ANGPT1: variants seen among roughly 807,000 people sequenced by gnomAD.
ANGPT1 encodes angiopoietin-1.
ANGPT1 carries 17 observed loss-of-function variants against 62.2 expected under a neutral mutation model. That is an observed-to-expected ratio of 0.27 (90% CI 0.19 to 0.41). The LOEUF (loss-of-function observed/expected upper bound fraction) is 0.41. ANGPT1 is among the 10% of genes least tolerant of loss of function. The probability of loss-of-function intolerance (pLI) is 1.00; values close to 1 mark genes in which losing one functional copy is unlikely to be tolerated. For missense variants in ANGPT1, 478 were observed against 594.9 expected, an observed-to-expected ratio of 0.80 and a Z score of 2.04; for synonymous variants, 199 against 198.9, an observed-to-expected ratio of 1.00 and a Z score of 0.00.
chr8:107,475,813 CA>C (rs1277469475), intron 1 of ANGPT1, among the ~76,000 whole-genome samples: 3 of 152,246 alleles, frequency 2.0e-5, no homozygotes, highest in African/African-American at 7.2e-5. Context: ...GGCATTTATG[CA>C]GGCAACAGAC....
chr8:107,284,870 C>T, intron 6 of ANGPT1, 22 bp from the exon 7 acceptor site: 1 of 1,510,276 alleles, frequency 6.6e-7, no homozygotes, highest in Non-Finnish European at 8.9e-7. Flanking sequence ...TATAGAGATG[C>T]AGTTGTTACT....
chr8:107,317,106 C>T (rs573473310), intron 4 of ANGPT1, among the ~76,000 whole-genome samples: 58 of 152,310 alleles, frequency 3.8e-4, no homozygotes, highest in Non-Finnish European at 7.3e-4. Context: ...TTTAATATTT[C>T]TCTGTGAGCT....
intron 1 of ANGPT1, among the ~76,000 whole-genome samples, chr8:107,349,868 G>T (rs2130169160): frequency 6.6e-6 from 1 of 152,210 alleles, no homozygotes; most frequent in African/African-American, 2.4e-5. Context: ...AAACACACCA[G>T]AAATCTTTAA....
At chr8:107,329,357 T>C (rs1217588923) in intron 3 of ANGPT1, among the ~76,000 whole-genome samples, 1 of 152,080 alleles carries the variant, frequency 6.6e-6, no homozygotes, top group East Asian at 1.9e-4. Flanking sequence ...TATACATGTA[T>C]ATACAACAAG....
At chr8:107,331,043 T>A (rs187816117) in intron 3 of ANGPT1, among the ~76,000 whole-genome samples, 43 of 152,300 alleles carry the variant, frequency 2.8e-4, no homozygotes, top group African/African-American at 9.9e-4. Context: ...ACTAATATAA[T>A]TCAGCCTAGT....
intron 1 of ANGPT1, among the ~76,000 whole-genome samples, chr8:107,401,021 C>T (rs911633981): frequency 6.6e-6 from 1 of 152,116 alleles, no homozygotes; most frequent in Non-Finnish European, 1.5e-5. Flanking sequence ...CACTTTCTAA[C>T]CTTTAATCCT....
intron 6 of ANGPT1, among the ~76,000 whole-genome samples, chr8:107,292,504 G>A (rs1250561145): frequency 6.6e-6 from 1 of 151,896 alleles, no homozygotes; most frequent in Non-Finnish European, 1.5e-5. Flanking sequence ...CCCTTACCCT[G>A]TTTTCTCAGA....
At chr8:107,319,460 A>G (rs1815100804) in intron 4 of ANGPT1, among the ~76,000 whole-genome samples, 1 of 152,078 alleles carries the variant, frequency 6.6e-6, no homozygotes, top group Non-Finnish European at 1.5e-5. Context: ...TAAAATGTAC[A>G]TTTTAGAATA....
intron 1 of ANGPT1, among the ~76,000 whole-genome samples, chr8:107,377,180 T>G (rs1201429096): frequency 6.6e-6 from 1 of 152,222 alleles, no homozygotes; most frequent in African/African-American, 2.4e-5. Context: ...AACGTTCTAT[T>G]TCTTTTGGCA....
At chr8:107,473,847 G>A (rs1455534066) in intron 1 of ANGPT1, among the ~76,000 whole-genome samples, 2 of 152,028 alleles carry the variant, frequency 1.3e-5, no homozygotes, top group Non-Finnish European at 1.5e-5. Context: ...TGTAAAACCT[G>A]CAAATGCATA....
At chr8:107,482,656 C>T (rs1463887774) in intron 1 of ANGPT1, among the ~76,000 whole-genome samples, 1 of 152,122 alleles carries the variant, frequency 6.6e-6, no homozygotes, top group Non-Finnish European at 1.5e-5. Flanking sequence ...CATTTACCAT[C>T]CAGTCCTGTT....
chr8:107,280,106 T>C (rs1274620845), intron 7 of ANGPT1, among the ~76,000 whole-genome samples: 1 of 152,138 alleles, frequency 6.6e-6, no homozygotes, highest in Non-Finnish European at 1.5e-5. Flanking sequence ...TGCCCCAAAT[T>C]GGGGCAAGAG....
chr8:107,381,161 T>C (rs937472220), intron 1 of ANGPT1, among the ~76,000 whole-genome samples: 5 of 152,224 alleles, frequency 3.3e-5, no homozygotes, highest in African/African-American at 1.2e-4. Flanking sequence ...TGGAAGTTTC[T>C]TCAAATGGCT....
intron 1 of ANGPT1, among the ~76,000 whole-genome samples, chr8:107,459,321 G>A (rs190687359): frequency 7.0e-4 from 106 of 152,132 alleles, no homozygotes; most frequent in Middle Eastern, 3.4e-3. Context: ...AGACCCAGGC[G>A]GGCAGATTAC....
intron 8 of ANGPT1, among the ~76,000 whole-genome samples, chr8:107,255,709 A>G (rs1813342988): frequency 6.6e-6 from 1 of 152,222 alleles, no homozygotes; most frequent in South Asian, 2.1e-4. Flanking sequence ...TTCATAATAC[A>G]TAGATTCTAA....
chr8:107,447,683 G>C (rs1811655602), intron 1 of ANGPT1, among the ~76,000 whole-genome samples: 1 of 152,200 alleles, frequency 6.6e-6, no homozygotes, highest in South Asian at 2.1e-4. Context: ...AACAGAATTT[G>C]AAAGTAATTT....
At chr8:107,408,483 G>A (rs779007779) in intron 1 of ANGPT1, among the ~76,000 whole-genome samples, 2 of 146,974 alleles carry the variant, frequency 1.4e-5, no homozygotes, top group Admixed American at 7.0e-5. Flanking sequence ...AAGAGTCTTC[G>A]TGCTGAAAGT....
chr8:107,401,141 C>A (rs921203771), intron 1 of ANGPT1, among the ~76,000 whole-genome samples: 1 of 152,064 alleles, frequency 6.6e-6, no homozygotes, highest in Non-Finnish European at 1.5e-5. Flanking sequence ...TTTTTGACAA[C>A]CAAGAACCAC....
chr8:107,423,823 CTTTCTTTTTTTT>C (rs1379606107), intron 1 of ANGPT1, among the ~76,000 whole-genome samples: 1 of 100,334 alleles, frequency 1.0e-5, no homozygotes, highest in African/African-American at 3.8e-5. Flanking sequence ...TTTCCTTTTC[CTTTCTTTTTTTT>C]TTTTTTTTTT....
Sources: allele counts gnomAD v4.1 joint callset (sites outside exome capture counted in the v4.1 genomes callset), GRCh38; gene constraint gnomAD v4.1.1; transcripts MANE v1.5; gene names NCBI Gene and HGNC (gene_info 2026-07-23, HGNC 2026-07-21).